Variants in EFL1 observed in about 807,000 individuals in gnomAD.
EFL1 encodes elongation factor-like GTPase 1.
A neutral mutation model predicts 126.7 loss-of-function variants in EFL1; 76 were observed. The observed-to-expected ratio is 0.60, with a 90% CI of 0.50 to 0.73. The LOEUF (loss-of-function observed/expected upper bound fraction) is 0.73. Ranked by LOEUF, EFL1 falls within the 30% of genes least tolerant of loss-of-function variation. The pLI is 0.00. For missense variants in EFL1, 1,128 were observed against 1,343.2 expected, an observed-to-expected ratio of 0.84 and a Z score of 2.50; for synonymous variants, 410 against 448.4, an observed-to-expected ratio of 0.91 and a Z score of 1.08.
intron 17 of EFL1, 101 bp downstream of exon 17, chr15:82,157,612 C>T (rs2073981378): frequency 7.4e-7 from 1 of 1,360,078 alleles, no homozygotes; most frequent in African/African-American, 1.5e-5. Context: ...CATTTTTCTC[C>T]AAAAATAAGC....
chr15:82,163,798 G>A, intron 16 of EFL1, 55 bp downstream of exon 16: 1 of 1,582,234 alleles, frequency 6.3e-7, no homozygotes. Flanking sequence ...CTAAATACAT[G>A]CATATGCTTT....
chr15:82,138,528 C>T, intron 19 of EFL1, 130 bp downstream of exon 19: 2 of 1,027,656 alleles, frequency 1.9e-6, no homozygotes, highest in Non-Finnish European at 2.8e-6. Flanking sequence ...TTTCTCCTGT[C>T]CATTTGACTG....
intron 19 of EFL1, among the ~76,000 whole-genome samples, chr15:82,134,677 T>C (rs1315498562): frequency 6.6e-6 from 1 of 152,242 alleles, no homozygotes; most frequent in East Asian, 1.9e-4. Flanking sequence ...AGCCCACCCC[T>C]CAGGGTAATC....
At chr15:82,252,926 CA>C in intron 3 of EFL1, 151 bp from the exon 4 acceptor site, 1 of 626,306 alleles carries the variant, frequency 1.6e-6, no homozygotes, top group Non-Finnish European at 2.8e-6. Context: ...ATGTTGCCCA[CA>C]CTAGTCTTGA....
chr15:82,140,614 C>G (rs1055202460), intron 18 of EFL1, among the ~76,000 whole-genome samples: 1 of 152,190 alleles, frequency 6.6e-6, no homozygotes, highest in Non-Finnish European at 1.5e-5. Flanking sequence ...AAGGCCATCT[C>G]TAAGCCAGGC....
chr15:82,184,710 C>T (rs1387777995), intron 15 of EFL1, among the ~76,000 whole-genome samples: 1 of 152,148 alleles, frequency 6.6e-6, no homozygotes, highest in Non-Finnish European at 1.5e-5. Flanking sequence ...GGAATTTTCC[C>T]CCCACATTTG....
chr15:82,224,122 C>G (rs530366563), intron 12 of EFL1, among the ~76,000 whole-genome samples: 17 of 152,204 alleles, frequency 1.1e-4, no homozygotes, highest in East Asian at 1.9e-4. Flanking sequence ...AAAATCTAGT[C>G]GAAACATGGT....
chr15:82,176,745 A>G (rs1251192807), intron 15 of EFL1, among the ~76,000 whole-genome samples: 1 of 152,218 alleles, frequency 6.6e-6, no homozygotes, highest in Non-Finnish European at 1.5e-5. Flanking sequence ...ACTAAGCTTG[A>G]GCATATGCCT....
intron 6 of EFL1, 28 bp from the exon 7 acceptor site, chr15:82,238,549 G>A (rs1433269228): frequency 3.3e-6 from 5 of 1,536,262 alleles, no homozygotes; most frequent in Middle Eastern, 3.4e-4. Context: ...ATGGCAGAGC[G>A]TCATTCAGAT....
At chr15:82,139,311 A>G (rs535939953) in intron 18 of EFL1, among the ~76,000 whole-genome samples, 1 of 152,344 alleles carries the variant, frequency 6.6e-6, no homozygotes, top group East Asian at 1.9e-4. Context: ...TATACCAAAA[A>G]TTAAAACCAC....
At chr15:82,236,021 T>C (rs560155515) in intron 7 of EFL1, among the ~76,000 whole-genome samples, 3 of 152,284 alleles carry the variant, frequency 2.0e-5, no homozygotes, top group Admixed American at 2.0e-4. Flanking sequence ...ATTGTATTTC[T>C]ATATACTAGA....
At chr15:82,185,690 C>A (rs1449824152) in intron 15 of EFL1, among the ~76,000 whole-genome samples, 1 of 152,046 alleles carries the variant, frequency 6.6e-6, no homozygotes, top group African/African-American at 2.4e-5. Flanking sequence ...AAGTGGCCAA[C>A]TTACATATAA....
intron 4 of EFL1, among the ~76,000 whole-genome samples, chr15:82,243,774 C>T (rs997680179): frequency 2.7e-5 from 4 of 150,818 alleles, no homozygotes; most frequent in African/African-American, 4.9e-5. Context: ...CCCCTAAGTA[C>T]GCGTCCATTT....
chr15:82,247,408 T>G (rs1421974419), intron 4 of EFL1, among the ~76,000 whole-genome samples: 1 of 151,794 alleles, frequency 6.6e-6, no homozygotes, highest in Non-Finnish European at 1.5e-5. Flanking sequence ...CAATTATGAG[T>G]CCGGGTGCCA....
Position 82,227,490 on chromosome 15 carries a change from A to G in EFL1, c.1152T>C (p.Thr384=). 1 of 1,614,140 alleles carries G rather than the reference A, an allele frequency of 6.2e-7. No homozygotes were observed. Among genetic ancestry groups the G allele is most frequent in the African/African-American group, 1.3e-5 (1 of 75,034 alleles). Residue 384 remains threonine, a synonymous_variant, in exon 11 of 20, where the codon ACT becomes ACC. Transcript: ENST00000268206. ...GAGTTTCTGGTGGAAAAGAGTCAAA[A>G]GTTTGTGATCCTGTGCACATCAGTC... ...VERLMCTGSQ[T]FDSFPPETQA... is the part of the protein sequence containing the mutation.
At chr15:82,173,493 G>C (rs2074158740) in intron 15 of EFL1, among the ~76,000 whole-genome samples, 1 of 152,136 alleles carries the variant, frequency 6.6e-6, no homozygotes, top group Non-Finnish European at 1.5e-5. Flanking sequence ...GTTGAGTCTG[G>C]ATGGCAGGTA....
intron 16 of EFL1, among the ~76,000 whole-genome samples, chr15:82,161,787 G>T (rs1484827735): frequency 2.0e-5 from 3 of 152,036 alleles, no homozygotes; most frequent in African/African-American, 7.2e-5. Flanking sequence ...GAAAGGAAAG[G>T]AACTTAATCT....
chr15:82,152,178 G>A lies in EFL1; in HGVS notation c.2276C>T (p.Pro759Leu), dbSNP rs1157542262. ...TTCCAGAATCTGGGTGACTTCTTCT[G>A]GAAGGGGCATGGCTCGAACACTGAG... ...ATLSVRAMPL[P>L]EEVTQILEEN... The change falls in exon 18 of 20, where the codon CCA (proline) becomes CTA (leucine). Residue 759 changes from proline to leucine, a missense_variant. Coordinates refer to ENST00000268206, the MANE Select transcript of EFL1 (RefSeq NM_024580.6). The A allele has an allele frequency of 6.2e-7, 1 of 1,614,162 alleles. No homozygotes were observed. The highest frequency in any genetic ancestry group is 8.5e-7 in the Non-Finnish European group (1 of 1,180,038).
chr15:82,249,683 C>T (rs1275883868), intron 4 of EFL1, among the ~76,000 whole-genome samples: 1 of 151,892 alleles, frequency 6.6e-6, no homozygotes, highest in African/African-American at 2.4e-5. Context: ...GGGTGGGACA[C>T]AAAGAGAGGT....
Sources: gnomAD v4.1 joint callset for allele counts (sites outside exome capture counted in the v4.1 genomes callset) on GRCh38, gnomAD v4.1.1 for gene constraint, MANE v1.5 for transcripts, NCBI Gene and HGNC (gene_info 2026-07-23, HGNC 2026-07-21) for gene names.